The following GLYR1 variants were observed in gnomAD, a reference collection of about 807,000 sequenced individuals.
GLYR1 encodes the protein cytokine-like nuclear factor N-PAC.
A neutral mutation model predicts 72.7 loss-of-function variants in GLYR1; 21 were observed. The observed-to-expected ratio is 0.29, with a 90% CI of 0.20 to 0.42. The LOEUF (loss-of-function observed/expected upper bound fraction) is 0.42. Among genes scored for constraint, GLYR1 ranks in the 10% least tolerant of loss-of-function variants. The probability of loss-of-function intolerance (pLI) is 1.00; values close to 1 mark genes in which losing one functional copy is unlikely to be tolerated. For missense variants in GLYR1, 594 were observed against 712.1 expected, an observed-to-expected ratio of 0.83 and a Z score of 1.89; for synonymous variants, 392 against 270.2, an observed-to-expected ratio of 1.45 and a Z score of -4.42.
chr16:4,845,171 G>A lies in GLYR1; in HGVS notation c.76-18C>T, dbSNP rs1426775186. ...TTAACAATCTGGAGGATAAAAGGGG[G>A]GAAAAAGGTTGGCTGGCAACACAGC... On this transcript the variant is annotated intron_variant, in intron 2 of 15. Coordinates refer to ENST00000321919, the MANE Select transcript of GLYR1 (RefSeq NM_032569.4). The A allele has an allele frequency of 1.2e-6, 2 of 1,604,444 alleles. No homozygotes were observed. Among genetic ancestry groups the A allele is most frequent in the Middle Eastern group, 1.6e-4 (1 of 6,064 alleles).
chr16:4,845,240 T>A, intron 2 of GLYR1, 87 bp from the exon 3 acceptor site: 2 of 846,106 alleles, frequency 2.4e-6, no homozygotes, highest in Non-Finnish European at 3.9e-6. Context: ...AGTTCTACGT[T>A]GCTAAGAAAA....
intron 6 of GLYR1, among the ~76,000 whole-genome samples, chr16:4,823,288 G>A (rs1853441247): frequency 6.6e-6 from 1 of 152,192 alleles, no homozygotes; most frequent in South Asian, 2.1e-4. Context: ...ATCTATTCTG[G>A]AATTTCAGGG....
intron 9 of GLYR1, 97 bp downstream of exon 9, chr16:4,821,283 G>A (rs1241987328): frequency 2.3e-5 from 28 of 1,206,844 alleles, no homozygotes; most frequent in Non-Finnish European, 3.1e-5. Context: ...GCCAGCAATG[G>A]CTGGGACACA....
chr16:4,836,184 G>A (rs1596388665), intron 3 of GLYR1, among the ~76,000 whole-genome samples: 1 of 152,132 alleles, frequency 6.6e-6, no homozygotes, highest in African/African-American at 2.4e-5. Flanking sequence ...CACATCAGCC[G>A]GGCCTGGCAC....
chr16:4,820,222 C>G (rs2141981928), intron 9 of GLYR1, among the ~76,000 whole-genome samples: 1 of 152,316 alleles, frequency 6.6e-6, no homozygotes, highest in Admixed American at 6.5e-5. Context: ...CTCCTGACCT[C>G]AGGTAATCCG....
chr16:4,811,657 C>G lies in GLYR1; in HGVS notation c.1428G>C (p.Gln476His). The stretch of plus-strand genomic sequence containing the variant: ...TCTGGTCCAGGAAGATGCTGGCCAA[C>G]TGTCCCTGATTGAGGATGTCCAAGA... ...QTLLDILNQG[Q>H]LASIFLDQKC... is the part of the protein sequence containing the mutation. Residue 476 changes from glutamine (Q) to histidine (H), a missense_variant, in exon 14 of 16, where the codon CAG becomes CAC. By Grantham distance (24) the Gln-to-His change is conservative (BLOSUM62 0). This residue lies in a region of GLYR1 where 266 missense variants were observed against 358.4 expected (regional missense o/e 0.74). Coordinates refer to ENST00000321919, the MANE Select transcript of GLYR1 (RefSeq NM_032569.4). 6.2e-7 allele frequency: 1 copy of G among 1,614,192 alleles called. No homozygotes were observed. Among genetic ancestry groups the G allele is most frequent in the Non-Finnish European group, 8.5e-7 (1 of 1,180,058 alleles).
intron 5 of GLYR1, among the ~76,000 whole-genome samples, chr16:4,831,774 C>T (rs1189470828): frequency 6.6e-6 from 1 of 152,198 alleles, no homozygotes; most frequent in Non-Finnish European, 1.5e-5. Context: ...AGGCTCAAGC[C>T]ATCTTCCTGA....
At chr16:4,819,233 G>A (rs146187460) in intron 9 of GLYR1, among the ~76,000 whole-genome samples, 1 of 151,996 alleles carries the variant, frequency 6.6e-6, no homozygotes, top group Non-Finnish European at 1.5e-5. Flanking sequence ...GGCTGGTCTC[G>A]AACTTTTGGT....
chr16:4,819,442 A>AG (rs1409556576), intron 9 of GLYR1, among the ~76,000 whole-genome samples: 4 of 152,132 alleles, frequency 2.6e-5, no homozygotes. Flanking sequence ...CTGAGCAGCT[A>AG]GGACTATAGG....
Position 4,823,857 on chromosome 16 carries a change from C to A in GLYR1, c.588G>T (p.Pro196=), listed in dbSNP as rs772879234. The A allele has an allele frequency of 7.4e-6, 12 of 1,614,040 alleles. No homozygotes were observed. The highest frequency in any genetic ancestry group is 1.0e-5 in the Non-Finnish European group (12 of 1,180,022). Residue 196 remains proline, a synonymous_variant, in exon 6 of 16, where the codon CCG becomes CCT. Coordinates refer to ENST00000321919, the MANE Select transcript of GLYR1 (RefSeq NM_032569.4). ...SSTVKGMMAG[P]MAAFKWQPTA... is the part of the protein sequence containing the mutation. ...TTGGCTGCCATTTAAACGCGGCCATCGGTCCGGCCATCATCCCCTTCACGG... is the reference window on the plus strand; with the variant it reads ...TTGGCTGCCATTTAAACGCGGCCATAGGTCCGGCCATCATCCCCTTCACGG...
chr16:4,816,214 GCT>G (rs2083633251), intron 10 of GLYR1, among the ~76,000 whole-genome samples: 1 of 152,092 alleles, frequency 6.6e-6, no homozygotes, highest in Non-Finnish European at 1.5e-5. Context: ...TATGATCACA[GCT>G]CACTGCAGCC....
chr16:4,828,876 C>G (rs1458352403), intron 5 of GLYR1, among the ~76,000 whole-genome samples: 1 of 152,012 alleles, frequency 6.6e-6, no homozygotes, highest in Non-Finnish European at 1.5e-5. Context: ...TCCCTTTATC[C>G]AACGAGAAGG....
At chr16:4,828,082 T>A (rs887524658) in intron 5 of GLYR1, among the ~76,000 whole-genome samples, 14 of 151,728 alleles carry the variant, frequency 9.2e-5, no homozygotes, top group East Asian at 2.0e-4. Context: ...ATATATATAT[T>A]TTTTTGAGAT....
chr16:4,805,937 C>T (rs1444060375), intron 15 of GLYR1, among the ~76,000 whole-genome samples: 3 of 152,124 alleles, frequency 2.0e-5, no homozygotes, highest in African/African-American at 7.2e-5. Flanking sequence ...GCTGAGATCA[C>T]ACCACTGCAC....
At chr16:4,811,138 G>A in intron 15 of GLYR1, 32 bp downstream of exon 15, 1 of 1,574,480 alleles carries the variant, frequency 6.4e-7, no homozygotes, top group Non-Finnish European at 8.5e-7. Context: ...AGAAACTGAA[G>A]GGCCTTGGGG....
intron 9 of GLYR1, among the ~76,000 whole-genome samples, chr16:4,819,664 A>C (rs2083889809): frequency 6.6e-6 from 1 of 152,056 alleles, no homozygotes; most frequent in African/African-American, 2.4e-5. Flanking sequence ...CAGCTCCTCC[A>C]CTTTGACCCT....
intron 7 of GLYR1, among the ~76,000 whole-genome samples, chr16:4,822,126 G>A (rs748137957): frequency 4.2e-4 from 52 of 122,618 alleles, no homozygotes; most frequent in Non-Finnish European, 7.5e-4. Flanking sequence ...TCGCTCTGTC[G>A]CCCAGGCTGG....
chr16:4,819,828 C>G (rs1272116888), intron 9 of GLYR1, among the ~76,000 whole-genome samples: 1 of 152,174 alleles, frequency 6.6e-6, no homozygotes, highest in Non-Finnish European at 1.5e-5. Context: ...AACTTTCTCA[C>G]CAAAATAGAC....
At position 4,811,074 on chromosome 16, in the gene GLYR1, T is replaced by C. The variant is rs561801436; in HGVS notation, c.1587+96A>G. ...GAGCTGAGATCGCACCAGTGCACTC[T>C]AGCCTGGGTGACAGAGTGAGACTCC... On this transcript the variant is annotated intron_variant, in intron 15 of 15. Coordinates refer to ENST00000321919, the MANE Select transcript of GLYR1 (RefSeq NM_032569.4). The C allele has an allele frequency of 9.7e-5, 143 of 1,470,490 alleles. No homozygotes were observed. The African/African-American group carries it at 1.6e-3, about 17-fold the overall frequency. 91.1% of individuals were successfully genotyped at this position (1,470,490 alleles called of 1,614,324 possible).
Sources: allele counts gnomAD v4.1 joint callset (sites outside exome capture counted in the v4.1 genomes callset), GRCh38; gene constraint gnomAD v4.1.1; regional missense constraint gnomAD v4.1.1; transcripts MANE v1.5; gene names NCBI Gene and HGNC (gene_info 2026-07-23, HGNC 2026-07-21).